LRP1B: variants seen among roughly 807,000 people sequenced by gnomAD.
LRP1B encodes LDL receptor related protein 1B, also known as low-density lipoprotein receptor-related protein 1B.
LRP1B carries 217 observed loss-of-function variants against 556.6 expected under a neutral mutation model. That is an observed-to-expected ratio of 0.39 (90% CI 0.35 to 0.44). LRP1B has a LOEUF of 0.44. LRP1B is among the 20% of genes least tolerant of loss of function. The pLI is 1.00. For synonymous variants in LRP1B, 2,047 were observed against 1,865.8 expected, an observed-to-expected ratio of 1.10 and a Z score of -2.50; for missense variants, 5,053 against 5,620.8, an observed-to-expected ratio of 0.90 and a Z score of 3.23.
chr2:140,276,259 A>C (rs559550966), intron 84 of LRP1B, among the ~76,000 whole-genome samples: 1 of 152,128 alleles, frequency 6.6e-6, no homozygotes, highest in African/African-American at 2.4e-5. Flanking sequence ...AGACAAATTA[A>C]ATTTATTGAC....
At chr2:141,608,665 T>C (rs113402298) in intron 2 of LRP1B, among the ~76,000 whole-genome samples, 3,598 of 152,232 alleles carry the variant, frequency 0.024, 140 homozygotes, top group African/African-American at 0.083. Context: ...ACAAACTTTA[T>C]GGAAAAAATA....
At chr2:140,434,414 T>G (rs1188629171) in intron 66 of LRP1B, among the ~76,000 whole-genome samples, 3 of 152,182 alleles carry the variant, frequency 2.0e-5, no homozygotes, top group Non-Finnish European at 4.4e-5. Flanking sequence ...CAAAGACAAT[T>G]TCTTATGAAG....
intron 18 of LRP1B, among the ~76,000 whole-genome samples, chr2:140,956,653 C>T (rs1022714280): frequency 1.1e-4 from 16 of 151,642 alleles, no homozygotes; most frequent in South Asian, 2.1e-4. Context: ...TTGGAGAAAA[C>T]GATATGAGAG....
chr2:140,446,553 G>T (rs1225306577), intron 63 of LRP1B, among the ~76,000 whole-genome samples: 2 of 151,934 alleles, frequency 1.3e-5, no homozygotes, highest in African/African-American at 4.8e-5. Flanking sequence ...AAATCTAAAC[G>T]TTCCATAGAC....
At chr2:141,822,130 C>CACACACACAGAGAGAGAGAGAGAGAGAG (rs374369026) in intron 1 of LRP1B, among the ~76,000 whole-genome samples, 1 of 95,864 alleles carries the variant, frequency 1.0e-5, no homozygotes, top group South Asian at 4.5e-4. Flanking sequence ...CACACACACA[C>CACACACACAGAGAGAGAGAGAGAGAGAG]AGAGAGAGAG....
chr2:141,792,179 G>T (rs1227621488), intron 2 of LRP1B, among the ~76,000 whole-genome samples: 1 of 151,792 alleles, frequency 6.6e-6, no homozygotes, highest in Non-Finnish European at 1.5e-5. Flanking sequence ...GCAACATAGG[G>T]AATGCAATGT....
chr2:140,654,738 C>T (rs943652907), intron 41 of LRP1B, among the ~76,000 whole-genome samples: 2 of 152,090 alleles, frequency 1.3e-5, no homozygotes, highest in Non-Finnish European at 2.9e-5. Flanking sequence ...ATTATGCTTA[C>T]TCATAAGAGA....
chr2:140,634,977 T>A (rs1253844281), intron 41 of LRP1B, among the ~76,000 whole-genome samples: 2 of 152,014 alleles, frequency 1.3e-5, no homozygotes, highest in Non-Finnish European at 2.9e-5. Context: ...TGTAACAATA[T>A]CAGTCCATCA....
intron 11 of LRP1B, among the ~76,000 whole-genome samples, chr2:141,048,178 A>T (rs921587239): frequency 2.0e-5 from 3 of 152,076 alleles, no homozygotes; most frequent in Admixed American, 2.0e-4. Flanking sequence ...TCCTCAAATT[A>T]TGTATTTCTA....
chr2:141,133,255 G>T (rs1574108323), intron 7 of LRP1B, among the ~76,000 whole-genome samples: 1 of 147,188 alleles, frequency 6.8e-6, no homozygotes, highest in African/African-American at 2.5e-5. Context: ...TATTTTTAAT[G>T]ATAGTAGCAA....
At chr2:140,806,418 A>T (rs2105020080) in intron 32 of LRP1B, among the ~76,000 whole-genome samples, 1 of 152,310 alleles carries the variant, frequency 6.6e-6, no homozygotes, top group African/African-American at 2.4e-5. Context: ...AAACAACACA[A>T]CAACAAAAAG....
intron 86 of LRP1B, among the ~76,000 whole-genome samples, chr2:140,264,303 A>G (rs1250106252): frequency 2.0e-5 from 3 of 152,096 alleles, no homozygotes; most frequent in African/African-American, 7.2e-5. Context: ...GTCTCAGCTC[A>G]CTGCAACCTC....
intron 21 of LRP1B, among the ~76,000 whole-genome samples, chr2:140,918,478 T>C (rs1042749866): frequency 2.6e-5 from 4 of 152,058 alleles, no homozygotes; most frequent in Admixed American, 6.6e-5. Flanking sequence ...TGGAGACACA[T>C]TGTAAACATT....
chr2:141,371,275 T>C (rs1214914061), intron 3 of LRP1B, among the ~76,000 whole-genome samples: 1 of 152,242 alleles, frequency 6.6e-6, no homozygotes, highest in East Asian at 1.9e-4. Context: ...TCAGTTACTA[T>C]GGCATTTTAG....
intron 35 of LRP1B, among the ~76,000 whole-genome samples, chr2:140,730,006 A>G (rs1380216140): frequency 1.3e-5 from 2 of 152,154 alleles, no homozygotes; most frequent in South Asian, 2.1e-4. Context: ...CCTTCATGCA[A>G]ACTAAAGATC....
chr2:140,792,964 C>T (rs11686050), intron 32 of LRP1B, among the ~76,000 whole-genome samples: 66,999 of 151,602 alleles, frequency 0.44, 16,557 homozygotes, highest in East Asian at 0.57. Flanking sequence ...TAAATGTGTA[C>T]ATATAGGTAA....
intron 79 of LRP1B, among the ~76,000 whole-genome samples, chr2:140,331,864 T>G (rs995463546): frequency 3.3e-5 from 5 of 151,758 alleles, no homozygotes; most frequent in Non-Finnish European, 5.9e-5. Flanking sequence ...CCTGGCTTAT[T>G]TTTTGTATTT....
Position 141,619,760 on chromosome 2 carries a change from A to G in LRP1B, c.206-139227T>C, listed in dbSNP as rs80226787. Among the ~76,000 whole-genome samples the G allele has an allele frequency of 6.9e-3, 1,045 of 152,212 alleles. 16 individuals are homozygous for G. Among genetic ancestry groups the G allele is most frequent in the African/African-American group, 0.024 (1,005 of 41,534 alleles). ...ATAGATGATTGGATTCTTTTGAGAC[A>G]TGAGATGAAATTGGCAGAACACAGA... On this transcript the variant is annotated intron_variant, in intron 2 of 90. Transcript: ENST00000389484.
intron 1 of LRP1B, among the ~76,000 whole-genome samples, chr2:141,822,164 TA>T (rs1696777243): frequency 1.2e-5 from 1 of 84,124 alleles, no homozygotes; most frequent in South Asian, 4.0e-4. Flanking sequence ...GAGATAATAG[TA>T]AAAACCCTGT....
Sources: allele counts gnomAD v4.1 joint callset (sites outside exome capture counted in the v4.1 genomes callset), GRCh38; gene constraint gnomAD v4.1.1; transcripts MANE v1.5; gene names NCBI Gene and HGNC (gene_info 2026-07-23, HGNC 2026-07-21).